The following OCA2 variants were observed in gnomAD, a reference collection of about 807,000 sequenced individuals.
OCA2 encodes P protein.
OCA2 carries 77 observed loss-of-function variants against 100.2 expected under a neutral mutation model. The ratio of observed to expected loss-of-function variants is 0.77; its 90% confidence interval spans 0.64 to 0.93. The LOEUF (loss-of-function observed/expected upper bound fraction) is 0.93. Ranked by LOEUF, OCA2 falls within the 40% of genes least tolerant of loss-of-function variation. OCA2 has a pLI of 0.00. For missense variants in OCA2, 1,062 were observed against 1,089.1 expected (o/e 0.98, Z 0.35); for synonymous variants, 432 against 439.2 (o/e 0.98, Z 0.21).
intron 23 of OCA2, among the ~76,000 whole-genome samples, chr15:27,819,815 G>A (rs1352758997): frequency 2.0e-5 from 3 of 152,170 alleles, no homozygotes; most frequent in Non-Finnish European, 4.4e-5. Flanking sequence ...GTATCAATGA[G>A]CACACCTAGA....
chr15:27,935,116 C>G (rs976268329), intron 18 of OCA2, among the ~76,000 whole-genome samples: 1 of 152,192 alleles, frequency 6.6e-6, no homozygotes, highest in Non-Finnish European at 1.5e-5. Context: ...AAGCCACTGA[C>G]GGAAACATCC....
At chr15:28,051,969 C>T (rs1284540503) in intron 2 of OCA2, among the ~76,000 whole-genome samples, 1 of 152,150 alleles carries the variant, frequency 6.6e-6, no homozygotes. Flanking sequence ...TGTCTAACCC[C>T]CCTCTGCTTC....
intron 23 of OCA2, among the ~76,000 whole-genome samples, chr15:27,831,758 C>T (rs2034967465): frequency 6.6e-6 from 1 of 152,336 alleles, no homozygotes; most frequent in African/African-American, 2.4e-5. Context: ...CACAGCCTGG[C>T]TCCTGTTGCC....
At chr15:27,902,396 G>A (rs538988028) in intron 19 of OCA2, among the ~76,000 whole-genome samples, 47 of 152,216 alleles carry the variant, frequency 3.1e-4, no homozygotes, top group African/African-American at 1.1e-3. Context: ...GAACTTATTC[G>A]TATCATAATT....
At chr15:27,755,499 G>A in intron 23 of OCA2, 27 bp from the exon 24 acceptor site, 2 of 1,569,386 alleles carry the variant, frequency 1.3e-6, no homozygotes, top group Non-Finnish European at 8.8e-7. Flanking sequence ...AATGAGTTAT[G>A]GCATCTGAAA....
At chr15:27,775,172 T>C (rs1357311289) in intron 23 of OCA2, among the ~76,000 whole-genome samples, 1 of 151,996 alleles carries the variant, frequency 6.6e-6, no homozygotes, top group Non-Finnish European at 1.5e-5. Flanking sequence ...ACCAGGAAGC[T>C]GGCCCACACA....
chr15:27,858,448 C>T (rs2036020591), intron 21 of OCA2, among the ~76,000 whole-genome samples: 1 of 148,364 alleles, frequency 6.7e-6, no homozygotes. Context: ...ACATCTTACA[C>T]ATTTTGTTAA....
chr15:27,755,319 T>C lies in OCA2; in HGVS notation c.*69A>G. The C allele has an allele frequency of 1.8e-6, 2 of 1,134,746 alleles. No individual in the cohort carries two copies. The highest frequency in any genetic ancestry group is 1.2e-5 in the South Asian group (1 of 80,594). The allele number at this position is 1,134,746 out of a possible 1,614,324, so 70.3% of individuals were successfully genotyped here. On this transcript the variant is annotated 3_prime_UTR_variant, in exon 24 of 24. Coordinates refer to ENST00000354638, the MANE Select transcript of OCA2 (RefSeq NM_000275.3). Reference sequence around the variant, plus strand: ...TCTTCTTCAAACAGTGGGGTCAGGGTAGTTTTATGACTAATGGGTTGTGAT... The same window carrying C: ...TCTTCTTCAAACAGTGGGGTCAGGGCAGTTTTATGACTAATGGGTTGTGAT...
At chr15:28,078,931 A>C (rs1055433363) in intron 2 of OCA2, among the ~76,000 whole-genome samples, 3 of 152,160 alleles carry the variant, frequency 2.0e-5, no homozygotes, top group African/African-American at 7.2e-5. Context: ...AGGTGATGTA[A>C]CTGACCCAAG....
At chr15:27,987,591 G>T (rs112244493) in intron 11 of OCA2, among the ~76,000 whole-genome samples, 17,629 of 151,308 alleles carry the variant, frequency 0.12, 2,087 homozygotes, top group East Asian at 0.7. Flanking sequence ...TAGCTGGGTG[G>T]GGTGGCGGGC....
chr15:27,731,727 G>C, the OCA2 span, among the ~76,000 whole-genome samples: 207 of 152,328 alleles, frequency 1.4e-3, 1 homozygote, highest in African/African-American at 4.8e-3. Context: ...GAATGAGGCA[G>C]GGTTTAGGCA....
In OCA2 at chr15:27,851,427, C is replaced by T. The variant is rs145968118; in HGVS notation, c.2293G>A (p.Ala765Thr). 7.4e-4 allele frequency: 1,192 copies of T among 1,613,880 alleles called. 8 individuals carry two copies. The highest frequency in any genetic ancestry group is 2.0e-3 in the Middle Eastern group (12 of 6,056). ...GCCAGGGCATACATGAGCGGCGGTG[C>T]GGGCAGGCCAACCTCAGGGTCGTGG... ...LSHDPEVGLP[A>T]PPLMYALAFG... Residue 765 changes from alanine to threonine, a missense_variant, in exon 22 of 24, where the codon GCA becomes ACA. Coordinates refer to ENST00000354638, the MANE Select transcript of OCA2 (RefSeq NM_000275.3).
At chr15:27,959,134 GT>G (rs1357802794) in intron 15 of OCA2, among the ~76,000 whole-genome samples, 6 of 152,206 alleles carry the variant, frequency 3.9e-5, no homozygotes, top group Non-Finnish European at 1.5e-5. Context: ...AACTATTTCA[GT>G]TAGCACATGG....
chr15:27,989,968 T>C (rs888095488), intron 10 of OCA2, among the ~76,000 whole-genome samples: 1 of 152,186 alleles, frequency 6.6e-6, no homozygotes, highest in Admixed American at 6.5e-5. Context: ...GTATGTGCTC[T>C]CTGCAGTGCC....
intron 23 of OCA2, among the ~76,000 whole-genome samples, chr15:27,766,182 G>A (rs543234912): frequency 6.6e-6 from 1 of 152,244 alleles, no homozygotes; most frequent in South Asian, 2.1e-4. Context: ...AAAGGAAACA[G>A]ATGAAATTAA....
At chr15:27,799,949 G>T (rs1179948783) in intron 23 of OCA2, among the ~76,000 whole-genome samples, 1 of 152,104 alleles carries the variant, frequency 6.6e-6, no homozygotes, top group South Asian at 2.1e-4. Flanking sequence ...GCAGGAAGGG[G>T]CCAGAGCACA....
chr15:27,747,572 T>G, the OCA2 span, among the ~76,000 whole-genome samples: 1 of 152,164 alleles, frequency 6.6e-6, no homozygotes, highest in African/African-American at 2.4e-5. Flanking sequence ...GCAGTGGTTC[T>G]CAGTGCAGAA....
intron 23 of OCA2, among the ~76,000 whole-genome samples, chr15:27,788,833 T>G (rs373531871): frequency 3.9e-5 from 6 of 152,246 alleles, no homozygotes; most frequent in African/African-American, 1.4e-4. Context: ...TTTTCTGACC[T>G]ACTATTTTAA....
intron 23 of OCA2, among the ~76,000 whole-genome samples, chr15:27,765,157 C>T (rs892161897): frequency 2.0e-5 from 3 of 151,968 alleles, no homozygotes; most frequent in African/African-American, 7.3e-5. Flanking sequence ...GTCTCACGGA[C>T]GCAGGCCTCC....
Sources: gnomAD v4.1 joint callset for allele counts (sites outside exome capture counted in the v4.1 genomes callset) on GRCh38, gnomAD v4.1.1 for gene constraint, MANE v1.5 for transcripts, NCBI Gene and HGNC (gene_info 2026-07-23, HGNC 2026-07-21) for gene names.